Variants in TRIM35 observed in about 807,000 individuals in gnomAD.
The protein encoded by TRIM35 is tripartite motif containing 35, also known as E3 ubiquitin-protein ligase TRIM35.
TRIM35 carries 37 observed loss-of-function variants against 49.1 expected under a neutral mutation model. The observed-to-expected ratio is 0.75, with a 90% CI of 0.58 to 0.99. TRIM35 has a LOEUF of 0.99. Among genes scored for constraint, TRIM35 ranks in the 50% least tolerant of loss-of-function variants. The pLI, the probability that TRIM35 is intolerant of heterozygous loss-of-function variation, is 0.00. For missense variants in TRIM35, 648 were observed against 702.7 expected (o/e 0.92, Z 0.88); for synonymous variants, 302 against 289.3 (o/e 1.04, Z -0.45).
chr8:27,306,421 G>A (rs1343626964), intron 1 of TRIM35, among the ~76,000 whole-genome samples: 1 of 150,178 alleles, frequency 6.7e-6, no homozygotes, highest in Non-Finnish European at 1.5e-5. Flanking sequence ...CATCTCCCGG[G>A]TTTAAGCGAT....
At chr8:27,295,407 G>T (rs1179925088) in intron 2 of TRIM35, among the ~76,000 whole-genome samples, 3 of 152,162 alleles carry the variant, frequency 2.0e-5, no homozygotes, top group African/African-American at 7.2e-5. Flanking sequence ...ACTCATCTTT[G>T]GACTGAAAGT....
intron 5 of TRIM35, among the ~76,000 whole-genome samples, chr8:27,288,714 T>C (rs1314265964): frequency 6.6e-6 from 1 of 152,126 alleles, no homozygotes; most frequent in Non-Finnish European, 1.5e-5. Flanking sequence ...AGGCAGAGAC[T>C]CTTAACACTC....
chr8:27,308,659 C>T (rs1232481129), intron 1 of TRIM35, among the ~76,000 whole-genome samples: 1 of 152,214 alleles, frequency 6.6e-6, no homozygotes, highest in Admixed American at 6.5e-5. Context: ...GGCCACAGCA[C>T]ACAACAGCCA....
intron 1 of TRIM35, among the ~76,000 whole-genome samples, chr8:27,302,693 A>T (rs1367482932): frequency 2.0e-5 from 3 of 151,982 alleles, no homozygotes; most frequent in Admixed American, 1.3e-4. Context: ...CAGGTGTAAA[A>T]CTCCCTGCCT....
intron 3 of TRIM35, among the ~76,000 whole-genome samples, chr8:27,293,060 C>T (rs995207260): frequency 8.0e-5 from 12 of 150,534 alleles, no homozygotes; most frequent in Admixed American, 2.6e-4. Flanking sequence ...AGAATGATTT[C>T]ATAATCAGGG....
At chr8:27,299,002 G>C (rs181919930) in intron 1 of TRIM35, among the ~76,000 whole-genome samples, 12 of 152,252 alleles carry the variant, frequency 7.9e-5, no homozygotes, top group Admixed American at 7.8e-4. Context: ...TCTAATGTGA[G>C]GTGACTGACA....
intron 1 of TRIM35, among the ~76,000 whole-genome samples, chr8:27,303,584 C>T (rs903879759): frequency 1.3e-5 from 2 of 152,234 alleles, no homozygotes; most frequent in African/African-American, 4.8e-5. Context: ...TGGGCAGTAG[C>T]AGGGGCCCAC....
chr8:27,310,631 A>C (rs1487960321), intron 1 of TRIM35, among the ~76,000 whole-genome samples, 170 bp downstream of exon 1: 1 of 152,226 alleles, frequency 6.6e-6, no homozygotes, highest in African/African-American at 2.4e-5. Flanking sequence ...GCCGACCTTG[A>C]AGAAGCAGCC....
Position 27,287,339 on chromosome 8 carries a change from T to A in TRIM35, c.*211A>T. 1 of 541,310 alleles carries A rather than the reference T, an allele frequency of 1.8e-6. No individual in the cohort carries two copies. The highest frequency in any genetic ancestry group is 3.2e-6 in the Non-Finnish European group (1 of 312,920). 33.5% of individuals were successfully genotyped at this position (541,310 alleles called of 1,614,324 possible). A position where few individuals can be genotyped will look rare whatever the true frequency, so the allele number is the denominator to read the frequency against. ...ACTCGGGAGAGCCTGGCCAGCGAGG[T>A]GCCACCCGAATAGCTCCTGACCATG... is the stretch of plus-strand genomic sequence containing the variant. On this transcript the variant is annotated 3_prime_UTR_variant, in exon 6 of 6. Transcript: ENST00000305364. This position sits in a 1 kb window ranked among gnomAD's most constrained non-coding sequence, Gnocchi z 6.0.
chr8:27,309,545 C>A (rs1802857554), intron 1 of TRIM35, among the ~76,000 whole-genome samples: 1 of 152,172 alleles, frequency 6.6e-6, no homozygotes, highest in Non-Finnish European at 1.5e-5. Flanking sequence ...GGCCAGAAAC[C>A]AGGCACAGGG....
At chr8:27,302,969 A>G (rs1174773173) in intron 1 of TRIM35, among the ~76,000 whole-genome samples, 1 of 152,200 alleles carries the variant, frequency 6.6e-6, no homozygotes, top group Non-Finnish European at 1.5e-5. Context: ...ACAAAACTGA[A>G]TAGAGTTGGT....
Position 27,310,530 on chromosome 8 carries a change from T to C in TRIM35, c.435+271A>G, listed in dbSNP as rs192933985. 2.0e-3 allele frequency among the ~76,000 whole-genome samples: 301 copies of C among 152,398 alleles called. 1 individual carries two copies. Among genetic ancestry groups the C allele is most frequent in the African/African-American group, 6.7e-3 (280 of 41,598 alleles). ...CACAAGGGGTGCATGGCCTGGGCCC[T>C]TCAGAAGCAAGTGTCGCTGTCTTGG... On this transcript the variant is annotated intron_variant, in intron 1 of 5. Coordinates refer to ENST00000305364, the MANE Select transcript of TRIM35 (RefSeq NM_171982.5).
At chr8:27,300,812 T>C (rs1356718179) in intron 1 of TRIM35, among the ~76,000 whole-genome samples, 2 of 152,226 alleles carry the variant, frequency 1.3e-5, no homozygotes, top group Admixed American at 6.5e-5. Flanking sequence ...TTTTATTTTA[T>C]AGAATGAGAT....
At chr8:27,308,768 C>T (rs1358654445) in intron 1 of TRIM35, among the ~76,000 whole-genome samples, 2 of 152,230 alleles carry the variant, frequency 1.3e-5, no homozygotes, top group African/African-American at 4.8e-5. Context: ...GACTAGACTA[C>T]TCAGCCCCTG....
chr8:27,288,823 C>G (rs1802392463), intron 5 of TRIM35, among the ~76,000 whole-genome samples: 1 of 152,168 alleles, frequency 6.6e-6, no homozygotes, highest in Admixed American at 6.5e-5. Context: ...GGGCTGCAGT[C>G]GCCTTAGGAG....
rs190438169 is a variant in TRIM35, at chr8:27,295,492, T to A, written c.532-1182A>T. Among the ~76,000 whole-genome samples the A allele has an allele frequency of 4.3e-4, 66 of 152,260 alleles. 1 individual carries two copies. Among genetic ancestry groups the A allele is most frequent in the African/African-American group, 1.5e-3 (63 of 41,548 alleles). ...CATCATAAGTTGAAAAATAGTTAAGTCAAAGCAATGAATACACCTAACCTA... is the reference window on the plus strand; with the variant it reads ...CATCATAAGTTGAAAAATAGTTAAGACAAAGCAATGAATACACCTAACCTA... On this transcript the variant is annotated intron_variant, in intron 2 of 5. Coordinates refer to ENST00000305364, the MANE Select transcript of TRIM35 (RefSeq NM_171982.5).
At chr8:27,308,143 G>A (rs1426588649) in intron 1 of TRIM35, among the ~76,000 whole-genome samples, 1 of 152,166 alleles carries the variant, frequency 6.6e-6, no homozygotes, top group African/African-American at 2.4e-5. Flanking sequence ...CAAAAGGAAT[G>A]TAGCCCTGCA....
intron 1 of TRIM35, among the ~76,000 whole-genome samples, chr8:27,303,073 A>G (rs558459428): frequency 6.6e-6 from 1 of 152,318 alleles, no homozygotes; most frequent in South Asian, 2.1e-4. Context: ...TTTTTTTGCT[A>G]GATATACTTA....
intron 2 of TRIM35, among the ~76,000 whole-genome samples, chr8:27,296,223 G>T (rs1286378960): frequency 6.7e-6 from 1 of 150,278 alleles, no homozygotes; most frequent in Non-Finnish European, 1.5e-5. Flanking sequence ...TTGTTACATA[G>T]GTAAATGTGC....
Sources: gnomAD v4.1 joint callset for allele counts (sites outside exome capture counted in the v4.1 genomes callset) on GRCh38, gnomAD v4.1.1 for gene constraint, Gnocchi (gnomAD v3.1) non-coding constraint, MANE v1.5 for transcripts, NCBI Gene and HGNC (gene_info 2026-07-23, HGNC 2026-07-21) for gene names.